SNTB1: variants seen among roughly 807,000 people sequenced by gnomAD.
The protein encoded by SNTB1 is syntrophin beta 1.
A neutral mutation model predicts 48.9 loss-of-function variants in SNTB1; 36 were observed. The ratio of observed to expected loss-of-function variants is 0.74; its 90% CI spans 0.56 to 0.97. The LOEUF (loss-of-function observed/expected upper bound fraction) is 0.97. Ranked by LOEUF, SNTB1 falls within the 50% of genes least tolerant of loss-of-function variation. SNTB1 has a pLI of 0.00. For missense variants in SNTB1, 786 were observed against 703.4 expected (o/e 1.12, Z -1.33); for synonymous variants, 299 against 294.6 (o/e 1.01, Z -0.15).
At chr8:120,620,455 C>T (rs1326780015) in intron 3 of SNTB1, among the ~76,000 whole-genome samples, 1 of 152,194 alleles carries the variant, frequency 6.6e-6, no homozygotes, top group Non-Finnish European at 1.5e-5. Flanking sequence ...CCATGCAAAG[C>T]CCCTGCTCTT....
chr8:120,569,519 G>A (rs1276714994), intron 4 of SNTB1, among the ~76,000 whole-genome samples: 1 of 152,136 alleles, frequency 6.6e-6, no homozygotes. Context: ...TGCTTTTAAG[G>A]AATCACACTT....
rs190410244 is a variant in SNTB1 at position 120,667,121 on chromosome 8, G to T, written c.788+26571C>A. On this transcript the variant is annotated intron_variant, in intron 2 of 6. Transcript: ENST00000517992. ...TCTTCTTTTTTTTTTTTAAGAGACAGGGTCTTGCTCTGTTACCCAGGCTTT... is the reference window on the plus strand; with the variant it reads ...TCTTCTTTTTTTTTTTTAAGAGACATGGTCTTGCTCTGTTACCCAGGCTTT... Among the ~76,000 whole-genome samples, 710 of 148,508 alleles carry T rather than the reference G, an allele frequency of 4.8e-3. 6 individuals are homozygous for T. The highest frequency in any genetic ancestry group is 0.016 in the African/African-American group (661 of 40,254).
intron 5 of SNTB1, among the ~76,000 whole-genome samples, chr8:120,544,822 G>A (rs1178529114): frequency 7.4e-6 from 1 of 135,736 alleles, no homozygotes; most frequent in Non-Finnish European, 1.5e-5. Context: ...GCCATTCAGA[G>A]TAGGCATCAA....
chr8:120,695,227 C>T (rs1382641389), intron 1 of SNTB1, among the ~76,000 whole-genome samples: 1 of 152,198 alleles, frequency 6.6e-6, no homozygotes, highest in Non-Finnish European at 1.5e-5. Context: ...GGCATTTCCT[C>T]CAGATCTTTG....
At chr8:120,674,634 G>C (rs1034772101) in intron 2 of SNTB1, among the ~76,000 whole-genome samples, 3 of 152,038 alleles carry the variant, frequency 2.0e-5, no homozygotes, top group Non-Finnish European at 4.4e-5. Context: ...CATTCTTATA[G>C]CATCATAGTT....
chr8:120,692,636 T>G (rs1464054091), intron 2 of SNTB1, among the ~76,000 whole-genome samples: 1 of 152,076 alleles, frequency 6.6e-6, no homozygotes, highest in Non-Finnish European at 1.5e-5. Flanking sequence ...TGCAAAGTCA[T>G]GTACCGACTT....
intron 1 of SNTB1, among the ~76,000 whole-genome samples, chr8:120,749,581 G>T (rs1453723377): frequency 1.3e-5 from 2 of 151,946 alleles, no homozygotes; most frequent in African/African-American, 4.8e-5. Flanking sequence ...CTGTGAAGAG[G>T]CCCTCTCTTG....
intron 4 of SNTB1, among the ~76,000 whole-genome samples, chr8:120,571,799 A>G (rs1416542084): frequency 1.3e-5 from 2 of 152,094 alleles, no homozygotes; most frequent in Non-Finnish European, 1.5e-5. Context: ...ATACCCGGCC[A>G]TGATTACTGC....
chr8:120,715,173 G>A (rs981746870), intron 1 of SNTB1, among the ~76,000 whole-genome samples: 4 of 152,084 alleles, frequency 2.6e-5, no homozygotes, highest in African/African-American at 7.2e-5. Flanking sequence ...TGCATTCCAG[G>A]TCATTCAGTC....
intron 1 of SNTB1, among the ~76,000 whole-genome samples, chr8:120,754,116 T>A (rs1197836942): frequency 6.6e-6 from 1 of 152,288 alleles, no homozygotes; most frequent in East Asian, 1.9e-4. Flanking sequence ...TTTGAAACTA[T>A]AAATACATGG....
At chr8:120,756,496 C>T (rs908487659) in intron 1 of SNTB1, among the ~76,000 whole-genome samples, 3 of 152,064 alleles carry the variant, frequency 2.0e-5, no homozygotes, top group Admixed American at 6.6e-5. Context: ...TTAACCTGAT[C>T]TGGATGGGTA....
Position 120,541,957 on chromosome 8 carries a change from A to G in SNTB1, c.1377T>C (p.Tyr459=). 2.5e-6 allele frequency: 4 copies of G among 1,613,630 alleles called. No individual in the cohort carries two copies. The highest frequency in any genetic ancestry group is 3.3e-5 in the Admixed American group (2 of 60,018). The change falls in exon 6 of 7, where the codon TAT becomes TAC. Residue 459 remains tyrosine (Y), a synonymous_variant. Coordinates refer to ENST00000517992, the MANE Select transcript of SNTB1 (RefSeq NM_021021.4). ...KNQECRLTIH[Y]ENGFSITTEP... ...CAGTGGTAATAGAAAATCCATTCTC[A>G]TAATGTATGGTCAAACGGCACTCCT... is the stretch of plus-strand genomic sequence containing the variant.
rs570127947 is a variant in SNTB1 at position 120,685,095 on chromosome 8, A to T, written c.788+8597T>A. On this transcript the variant is annotated intron_variant, in intron 2 of 6. Transcript: ENST00000517992. ...CTTTGATGGGCACAGCCAATGTGGC[A>T]GTTCTTATGGGTTGAAGTTGCATGC... 2.4e-3 allele frequency among the ~76,000 whole-genome samples: 371 copies of T among 152,308 alleles called. 1 individual carries two copies. The highest frequency in any genetic ancestry group is 4.3e-3 in the Non-Finnish European group (291 of 68,026).
intron 1 of SNTB1, among the ~76,000 whole-genome samples, chr8:120,749,852 G>T (rs1819182405): frequency 6.6e-6 from 1 of 152,084 alleles, no homozygotes; most frequent in African/African-American, 2.4e-5. Context: ...AACTCCTCAT[G>T]AGTCTAGATT....
chr8:120,636,049 G>C (rs1015183954), intron 2 of SNTB1: 1 of 921,486 alleles, frequency 1.1e-6, no homozygotes, highest in East Asian at 4.7e-5. Flanking sequence ...AGAACTCAAG[G>C]CTTTTTTTTT....
intron 1 of SNTB1, among the ~76,000 whole-genome samples, chr8:120,715,786 T>C (rs1408014128): frequency 6.6e-6 from 1 of 152,222 alleles, no homozygotes; most frequent in African/African-American, 2.4e-5. Flanking sequence ...GAGTGCGCCC[T>C]TTATTCGTGA....
chr8:120,794,762 C>A (rs1820093915), intron 1 of SNTB1, among the ~76,000 whole-genome samples: 1 of 152,034 alleles, frequency 6.6e-6, no homozygotes, highest in Non-Finnish European at 1.5e-5. Flanking sequence ...GCTCTGGTTC[C>A]TCTAAAATTG....
At chr8:120,539,916 CTA>C (rs1815257377) in intron 6 of SNTB1, among the ~76,000 whole-genome samples, 1 of 152,108 alleles carries the variant, frequency 6.6e-6, no homozygotes, top group Admixed American at 6.5e-5. Flanking sequence ...TATAGGGAAA[CTA>C]AGATTCAGGG....
Position 120,811,604 on chromosome 8 carries a change from G to T in SNTB1, c.240C>A (p.Gly80=). The T allele has an allele frequency of 6.3e-7, 1 of 1,576,514 alleles. No homozygotes were observed. Among genetic ancestry groups the T allele is most frequent in the Non-Finnish European group, 8.6e-7 (1 of 1,165,494 alleles). Residue 80 remains glycine, a synonymous_variant, in exon 1 of 7, where the codon GGC becomes GGA. Transcript: ENST00000517992. Reference sequence around the variant, plus strand: ...CGGGCGAGTCCGGGGGCTGCGCGCCGCCCGCGCCCGGGTGCCCAGCCCCGG... The same window carrying T: ...CGGGCGAGTCCGGGGGCTGCGCGCCTCCCGCGCCCGGGTGCCCAGCCCCGG... The part of the protein sequence containing the change: ...RGAGAGHPGA[G]GAQPPDSPAG...
Sources: gnomAD v4.1 joint callset for allele counts (sites outside exome capture counted in the v4.1 genomes callset) on GRCh38, gnomAD v4.1.1 for gene constraint, MANE v1.5 for transcripts, NCBI Gene and HGNC (gene_info 2026-07-23, HGNC 2026-07-21) for gene names.